The following TPTE variants were observed in gnomAD, a reference collection of about 807,000 sequenced individuals.
TPTE encodes putative tyrosine-protein phosphatase TPTE.
A neutral mutation model predicts 84.1 loss-of-function variants in TPTE; 59 were observed. That is an observed-to-expected ratio of 0.70 (90% confidence interval 0.57 to 0.87). The LOEUF (loss-of-function observed/expected upper bound fraction) is 0.87. TPTE is among the 40% of genes least tolerant of loss of function. The probability of loss-of-function intolerance (pLI) is 0.00; values close to 1 mark genes in which losing one functional copy is unlikely to be tolerated. For synonymous variants in TPTE, 130 were observed against 223.5 expected (o/e 0.58, Z 3.73); for missense variants, 382 against 659.6 (o/e 0.58, Z 4.61).
At chr21:10,557,826 TA>T (rs2074713377) in intron 8 of TPTE, among the ~76,000 whole-genome samples, 1 of 152,308 alleles carries the variant, frequency 6.6e-6, no homozygotes, top group Non-Finnish European at 1.5e-5. Flanking sequence ...TGTTTTTTTT[TA>T]TTTTTTACAT....
At chr21:10,542,526 A>G in intron 6 of TPTE, 78 bp downstream of exon 6, 3 of 1,516,460 alleles carry the variant, frequency 2.0e-6, no homozygotes, top group Non-Finnish European at 1.8e-6. Context: ...ATGAGCAAGT[A>G]TACCCCATCC....
At chr21:10,601,712 G>T (rs1185681100) in intron 21 of TPTE, among the ~76,000 whole-genome samples, 2 of 151,242 alleles carry the variant, frequency 1.3e-5, no homozygotes, top group Non-Finnish European at 2.9e-5. Flanking sequence ...AATTAGCTGG[G>T]TATGATGGCA....
chr21:10,562,194 C>G (rs2074821090), intron 10 of TPTE, among the ~76,000 whole-genome samples: 1 of 152,426 alleles, frequency 6.6e-6, no homozygotes, highest in Non-Finnish European at 1.5e-5. Context: ...GGGGTGCCCC[C>G]TAAAGCAGAT....
intron 22 of TPTE, among the ~76,000 whole-genome samples, chr21:10,602,971 T>C (rs1418998259): frequency 2.0e-5 from 3 of 152,306 alleles, no homozygotes; most frequent in South Asian, 2.1e-4. Context: ...GTCACTGATA[T>C]ATCCACATGG....
chr21:10,527,157 T>TACACA (rs1568949541), intron 2 of TPTE, among the ~76,000 whole-genome samples, 198 bp from the exon 3 acceptor site: 1,684 of 148,788 alleles, frequency 0.011, no homozygotes, highest in East Asian at 0.11. Flanking sequence ...TCTCTCTCTC[T>TACACA]CACACACACA....
chr21:10,561,491 CAAA>C (rs201158290), intron 10 of TPTE, among the ~76,000 whole-genome samples: 35 of 101,042 alleles, frequency 3.5e-4, no homozygotes, highest in South Asian at 6.4e-4. Context: ...GACTCCATCT[CAAA>C]AAAAAAAAAA....
chr21:10,536,069 G>A (rs565098078), intron 3 of TPTE, among the ~76,000 whole-genome samples: 1 of 152,430 alleles, frequency 6.6e-6, no homozygotes, highest in Non-Finnish European at 1.5e-5. Flanking sequence ...CTTGAGGCCA[G>A]GAATTTGAGA....
At chr21:10,540,460 T>A (rs953474644) in intron 4 of TPTE, among the ~76,000 whole-genome samples, 8 of 152,304 alleles carry the variant, frequency 5.3e-5, no homozygotes, top group Non-Finnish European at 1.0e-4. Context: ...CACATTACCT[T>A]TCTGTGAGAA....
chr21:10,572,611 G>GAA (rs397944742), intron 14 of TPTE, among the ~76,000 whole-genome samples: 134 of 150,876 alleles, frequency 8.9e-4, no homozygotes, highest in African/African-American at 3.0e-3. Context: ...AGTACCGAAG[G>GAA]AAAAAAAAAA....
intron 3 of TPTE, among the ~76,000 whole-genome samples, chr21:10,535,138 A>G (rs1177383865): frequency 6.6e-6 from 1 of 152,308 alleles, no homozygotes; most frequent in Non-Finnish European, 1.5e-5. Flanking sequence ...TCTTGTCTAG[A>G]GTAACTGCAG....
chr21:10,524,386 G>A (rs1464532337), intron 1 of TPTE, among the ~76,000 whole-genome samples, 194 bp from the exon 2 acceptor site: 2 of 152,308 alleles, frequency 1.3e-5, no homozygotes, highest in Non-Finnish European at 2.9e-5. Context: ...TTACCCTCAC[G>A]GTACTGGGGG....
At chr21:10,523,119 G>C (rs1195835699) in intron 1 of TPTE, among the ~76,000 whole-genome samples, 80 of 152,384 alleles carry the variant, frequency 5.2e-4, no homozygotes, top group African/African-American at 1.8e-3. Context: ...CTGAACACTT[G>C]ATGTAAACTT....
At chr21:10,546,441 TG>T (rs201952982) in intron 7 of TPTE, among the ~76,000 whole-genome samples, 2,612 of 151,390 alleles carry the variant, frequency 0.017, no homozygotes, top group Non-Finnish European at 0.029. Context: ...GGTCTCTGAG[TG>T]TCCTAGTGAA....
chr21:10,589,331 A>G (rs1386987263), intron 17 of TPTE, among the ~76,000 whole-genome samples: 1 of 152,302 alleles, frequency 6.6e-6, no homozygotes, highest in Non-Finnish European at 1.5e-5. Context: ...CCTATGAGCC[A>G]GTAGATGGCG....
intron 18 of TPTE, among the ~76,000 whole-genome samples, chr21:10,591,889 C>T (rs528555650): frequency 4.8e-4 from 73 of 152,236 alleles, no homozygotes; most frequent in African/African-American, 1.1e-3. Context: ...CGGCCGGGCA[C>T]GGGTGGCTCA....
intron 17 of TPTE, among the ~76,000 whole-genome samples, chr21:10,581,770 T>A (rs1485395329): frequency 1.3e-5 from 2 of 152,302 alleles, no homozygotes; most frequent in African/African-American, 4.8e-5. Context: ...TCTCGCTGTG[T>A]CACTCAGGCT....
At chr21:10,573,632 T>A (rs554332110) in intron 14 of TPTE, among the ~76,000 whole-genome samples, 126 of 151,964 alleles carry the variant, frequency 8.3e-4, no homozygotes, top group African/African-American at 3.0e-3. Context: ...ATTATCCTGA[T>A]TTGATCATTA....
At chr21:10,540,219 A>G (rs1249197603) in intron 4 of TPTE, among the ~76,000 whole-genome samples, 1 of 152,308 alleles carries the variant, frequency 6.6e-6, no homozygotes, top group Non-Finnish European at 1.5e-5. Flanking sequence ...ATACAGTTAT[A>G]CATGTGTCTA....
intron 8 of TPTE, among the ~76,000 whole-genome samples, chr21:10,556,400 C>G (rs1409868577): frequency 2.0e-5 from 3 of 152,308 alleles, no homozygotes; most frequent in South Asian, 2.1e-4. Flanking sequence ...GCTTAGTATT[C>G]CATGGTGTAT....
Sources: allele counts gnomAD v4.1 joint callset (sites outside exome capture counted in the v4.1 genomes callset), GRCh38; gene constraint gnomAD v4.1.1; transcripts MANE v1.5; gene names NCBI Gene and HGNC (gene_info 2026-07-23, HGNC 2026-07-21).